DAB1: variants seen among roughly 807,000 people sequenced by gnomAD.
The protein encoded by DAB1 is disabled homolog 1.
In DAB1, 15 loss-of-function variants were observed where a neutral mutation model predicts 64.6. The ratio of observed to expected loss-of-function variants is 0.23; its 90% CI spans 0.16 to 0.36. DAB1 has a LOEUF of 0.36. Among genes scored for constraint, DAB1 ranks in the 10% least tolerant of loss-of-function variants. The pLI, the probability that DAB1 is intolerant of heterozygous loss-of-function variation, is 1.00. For missense variants in DAB1, 596 were observed against 706.7 expected, an observed-to-expected ratio of 0.84 and a Z score of 1.78; for synonymous variants, 235 against 251.9, an observed-to-expected ratio of 0.93 and a Z score of 0.64.
chr1:58,289,020 C>A (rs186852660), intron 4 of DAB1, among the ~76,000 whole-genome samples: 21 of 152,316 alleles, frequency 1.4e-4, no homozygotes, highest in African/African-American at 5.1e-4. Flanking sequence ...TATCCACCCC[C>A]ACTTAGACAT....
intron 1 of DAB1, among the ~76,000 whole-genome samples, chr1:57,827,924 AC>A (rs1161541660): frequency 6.6e-6 from 1 of 152,146 alleles, no homozygotes; most frequent in East Asian, 1.9e-4. Context: ...AAATATGTTG[AC>A]ATGATCATCC....
At chr1:57,662,516 G>T (rs907766351) in intron 6 of DAB1, among the ~76,000 whole-genome samples, 56 of 152,160 alleles carry the variant, frequency 3.7e-4, no homozygotes, top group African/African-American at 1.3e-3. Context: ...TATATCACTC[G>T]TTCATTTGGT....
chr1:57,830,124 G>T (rs1187853637), intron 1 of DAB1, among the ~76,000 whole-genome samples: 1 of 152,142 alleles, frequency 6.6e-6, no homozygotes, highest in Non-Finnish European at 1.5e-5. Context: ...GCCCAAGAAT[G>T]TTCTGTAAGT....
intron 5 of DAB1, among the ~76,000 whole-genome samples, chr1:57,902,900 G>A (rs1027541498): frequency 1.3e-5 from 2 of 152,122 alleles, no homozygotes; most frequent in Non-Finnish European, 2.9e-5. Context: ...TGCTAATAAA[G>A]ACATACCCGA....
chr1:57,701,679 A>T (rs1351687659), intron 6 of DAB1, among the ~76,000 whole-genome samples: 1 of 152,026 alleles, frequency 6.6e-6, no homozygotes, highest in African/African-American at 2.4e-5. Context: ...TGTACCCTAA[A>T]ACTTAAAGTA....
intron 6 of DAB1, among the ~76,000 whole-genome samples, chr1:57,661,795 G>A (rs1204798928): frequency 6.6e-6 from 1 of 151,958 alleles, no homozygotes; most frequent in African/African-American, 2.4e-5. Flanking sequence ...TTTTATTGTT[G>A]TATTGTTATT....
intron 4 of DAB1, among the ~76,000 whole-genome samples, chr1:58,236,725 T>C (rs1274540128): frequency 6.6e-6 from 1 of 152,222 alleles, no homozygotes; most frequent in Non-Finnish European, 1.5e-5. Context: ...AGAACGGCCC[T>C]GGGAGGCTGA....
chr1:57,211,662 CA>C, intron 2 of DAB1, among the ~76,000 whole-genome samples: 1 of 152,268 alleles, frequency 6.6e-6, no homozygotes, highest in Non-Finnish European at 1.5e-5. Context: ...AAGGGCTACA[CA>C]AAGTTAAGAT....
At chr1:57,725,838 G>A (rs1647203081) in intron 6 of DAB1, among the ~76,000 whole-genome samples, 2 of 151,778 alleles carry the variant, frequency 1.3e-5, no homozygotes, top group African/African-American at 4.8e-5. Context: ...TGCAACCTCT[G>A]TCTCCCGGGT....
chr1:57,072,454 T>A, intron 4 of DAB1, 40 bp from the exon 5 acceptor site: 2 of 1,603,360 alleles, frequency 1.2e-6, no homozygotes, highest in Non-Finnish European at 1.7e-6. Context: ...TTCAGGGGAC[T>A]TTCCCTTCGA....
intron 5 of DAB1, among the ~76,000 whole-genome samples, chr1:58,001,974 G>C (rs930685869): frequency 1.3e-5 from 2 of 152,108 alleles, no homozygotes; most frequent in African/African-American, 4.8e-5. Flanking sequence ...GTAACGATGT[G>C]GTCACAAGCC....
At chr1:57,909,051 C>A (rs1359848667) in intron 5 of DAB1, among the ~76,000 whole-genome samples, 1 of 152,140 alleles carries the variant, frequency 6.6e-6, no homozygotes, top group Non-Finnish European at 1.5e-5. Context: ...GCAGGAGGCT[C>A]CTTTAGGGTA....
intron 5 of DAB1, among the ~76,000 whole-genome samples, chr1:57,925,838 T>C (rs1019871472): frequency 3.3e-5 from 5 of 152,142 alleles, no homozygotes; most frequent in South Asian, 2.1e-4. Flanking sequence ...CAAGATACTA[T>C]AGCACAGATT....
intron 5 of DAB1, among the ~76,000 whole-genome samples, chr1:58,145,417 T>C (rs192063510): frequency 1.3e-5 from 2 of 152,146 alleles, no homozygotes; most frequent in East Asian, 3.9e-4. Context: ...ACAATATTAG[T>C]ACTCCCGTCA....
intron 9 of DAB1, among the ~76,000 whole-genome samples, chr1:57,060,559 G>T (rs60226729): frequency 0.015 from 2,285 of 152,244 alleles, 45 homozygotes; most frequent in African/African-American, 0.05. Context: ...ATTCAAGGAA[G>T]TAATAGGGAA....
intron 6 of DAB1, among the ~76,000 whole-genome samples, chr1:57,666,985 T>C (rs887227075): frequency 3.9e-5 from 6 of 152,094 alleles, no homozygotes; most frequent in African/African-American, 1.4e-4. Flanking sequence ...AGTTTCTGGC[T>C]ACCTCCCTAA....
chr1:58,515,467 G>T (rs34949405), intron 2 of DAB1, among the ~76,000 whole-genome samples: 7 of 151,848 alleles, frequency 4.6e-5, no homozygotes, highest in Non-Finnish European at 1.0e-4. Flanking sequence ...CTCTATCTTA[G>T]GTAAAGTTTT....
intron 7 of DAB1, among the ~76,000 whole-genome samples, chr1:57,452,160 C>CG (rs943230251): frequency 4.1e-5 from 4 of 98,076 alleles, no homozygotes; most frequent in Admixed American, 1.2e-4. Context: ...TCTCTCTGCA[C>CG]CCCCCCTTTT....
At chr1:58,438,976 G>C (rs1412422413) in intron 3 of DAB1, among the ~76,000 whole-genome samples, 1 of 152,114 alleles carries the variant, frequency 6.6e-6, no homozygotes, top group African/African-American at 2.4e-5. Context: ...GTGACGTAGG[G>C]AGGGTGGCAT....
Sources: allele counts gnomAD v4.1 joint callset (sites outside exome capture counted in the v4.1 genomes callset), GRCh38; gene constraint gnomAD v4.1.1; transcripts MANE v1.5; gene names NCBI Gene and HGNC (gene_info 2026-07-23, HGNC 2026-07-21).